Variants in LYST observed in about 807,000 individuals in gnomAD.
LYST encodes the protein lysosomal trafficking regulator, also known as lysosomal-trafficking regulator.
In LYST, 192 loss-of-function variants were observed where a neutral mutation model predicts 413.6. The ratio of observed to expected loss-of-function variants is 0.46; its 90% CI spans 0.41 to 0.52. The LOEUF is 0.52. Among genes scored for constraint, LYST ranks in the 20% least tolerant of loss-of-function variants. LYST has a pLI of 0.00. For missense variants in LYST, 3,815 were observed against 4,499.9 expected, an observed-to-expected ratio of 0.85 and a Z score of 4.35; for synonymous variants, 1,525 against 1,567.3, an observed-to-expected ratio of 0.97 and a Z score of 0.64.
At chr1:235,876,913 G>A (rs779820742) in intron 1 of LYST, among the ~76,000 whole-genome samples, 5 of 152,162 alleles carry the variant, frequency 3.3e-5, no homozygotes, top group Non-Finnish European at 7.3e-5. Context: ...TCAGAGGAGT[G>A]ACTGAAGAGC....
At chr1:235,779,167 G>A (rs866651471) in intron 16 of LYST, among the ~76,000 whole-genome samples, 9 of 152,088 alleles carry the variant, frequency 5.9e-5, no homozygotes, top group Non-Finnish European at 1.0e-4. Flanking sequence ...GTGCCTGGCC[G>A]AGGGTACCAC....
chr1:235,809,701 G>C lies in LYST; in HGVS notation c.1117C>G (p.Pro373Ala). Residue 373 changes from proline to alanine, a missense_variant, in exon 5 of 53, where the codon CCT becomes GCT. Physicochemically the swap from Pro to Ala is conservative, Grantham distance 27. This residue lies in a region of LYST where 1,648 missense variants were observed against 1,810.3 expected (regional missense o/e 0.91). Transcript: ENST00000389793. The surrounding 1 kb of genome is among the most constrained non-coding windows in gnomAD (Gnocchi z 4.0). ...IRICLEKQPDPFAPRQKKTLQ... is the reference protein window; with the variant it reads ...IRICLEKQPDAFAPRQKKTLQ... ...GTTTTCTTTTGTCTTGGTGCAAAAG[G>C]GTCAGGCTGCTTTTCTAGGCATATT... 6.2e-7 allele frequency: 1 copy of C among 1,613,572 alleles called. No homozygotes were observed. The highest frequency in any genetic ancestry group is 8.5e-7 in the Non-Finnish European group (1 of 1,179,780).
chr1:235,815,928 C>G (rs1484546438), intron 3 of LYST, among the ~76,000 whole-genome samples: 1 of 150,076 alleles, frequency 6.7e-6, no homozygotes, highest in African/African-American at 2.5e-5. Context: ...GTCAAGAGAT[C>G]GAGACCATCC....
At chr1:235,758,228 T>C (rs1448629362) in intron 23 of LYST, among the ~76,000 whole-genome samples, 1 of 152,178 alleles carries the variant, frequency 6.6e-6, no homozygotes, top group Non-Finnish European at 1.5e-5. Flanking sequence ...GGATATCTCA[T>C]CACCAAAGCA....
intron 23 of LYST, among the ~76,000 whole-genome samples, chr1:235,758,397 A>G (rs1667246021): frequency 6.6e-6 from 1 of 152,192 alleles, no homozygotes; most frequent in African/African-American, 2.4e-5. Flanking sequence ...GTCCTGGGAA[A>G]CACTGGTATT....
chr1:235,746,223 A>T, intron 29 of LYST, 113 bp downstream of exon 29: 1 of 858,896 alleles, frequency 1.2e-6, no homozygotes, highest in Non-Finnish European at 1.9e-6. Context: ...TATGGATGTT[A>T]AGAACTGAAA....
chr1:235,815,047 T>C (rs1420133112), intron 3 of LYST, among the ~76,000 whole-genome samples: 2 of 152,198 alleles, frequency 1.3e-5, no homozygotes, highest in Non-Finnish European at 2.9e-5. Flanking sequence ...AGTTCCTCTG[T>C]GGGGAGACTT....
chr1:235,724,876 A>G (rs902246087), intron 38 of LYST, among the ~76,000 whole-genome samples: 2 of 152,254 alleles, frequency 1.3e-5, no homozygotes, highest in African/African-American at 4.8e-5. Flanking sequence ...CCAGAAGTCA[A>G]AAATGTAGAG....
At chr1:235,882,260 A>G (rs796595079) in intron 1 of LYST, among the ~76,000 whole-genome samples, 5 of 152,296 alleles carry the variant, frequency 3.3e-5, no homozygotes, top group African/African-American at 1.2e-4. Flanking sequence ...ATAGGAAGTA[A>G]GGAGGCAATT....
At chr1:235,817,225 A>C (rs975874914) in intron 3 of LYST, among the ~76,000 whole-genome samples, 1 of 152,124 alleles carries the variant, frequency 6.6e-6, no homozygotes, top group African/African-American at 2.4e-5. Flanking sequence ...GAAAAAAAAA[A>C]CATGCTGGTG....
intron 2 of LYST, among the ~76,000 whole-genome samples, chr1:235,832,695 AGATT>A (rs1162408915): frequency 6.6e-6 from 1 of 152,154 alleles, no homozygotes; most frequent in African/African-American, 2.4e-5. Flanking sequence ...ATTTTTGAAT[AGATT>A]GTTTCTAGCT....
intron 3 of LYST, among the ~76,000 whole-genome samples, chr1:235,825,037 C>T (rs1357942483): frequency 6.6e-6 from 1 of 151,742 alleles, no homozygotes; most frequent in Non-Finnish European, 1.5e-5. Flanking sequence ...AAGAAAACAA[C>T]AACAACAACA....
chr1:235,704,311 A>T (rs1473678840), intron 44 of LYST, among the ~76,000 whole-genome samples: 1 of 152,150 alleles, frequency 6.6e-6, no homozygotes, highest in Non-Finnish European at 1.5e-5. Flanking sequence ...TTCTGTTTCT[A>T]GCTCTCTGAG....
intron 3 of LYST, among the ~76,000 whole-genome samples, chr1:235,823,596 G>T (rs151018553): frequency 2.6e-5 from 4 of 152,164 alleles, no homozygotes; most frequent in Non-Finnish European, 4.4e-5. Context: ...TGCCCTTCAG[G>T]TCTCCCCATT....
intron 30 of LYST, 72 bp from the exon 31 acceptor site, chr1:235,741,700 C>T: frequency 9.1e-7 from 1 of 1,098,816 alleles, no homozygotes; most frequent in Non-Finnish European, 1.4e-6. Flanking sequence ...CTCAACACAG[C>T]CCTAAAGAAG....
At position 235,805,894 on chromosome 1, in the gene LYST, G is replaced by C; in HGVS notation, c.3242C>G (p.Thr1081Ser). The change falls in exon 6 of 53, where the codon ACT becomes AGT. Residue 1081 changes from threonine (T) to serine (S), a missense_variant. Physicochemically the swap from Thr to Ser is moderately conservative, Grantham distance 58. This residue lies in a region of LYST where 1,648 missense variants were observed against 1,810.3 expected (regional missense o/e 0.91). Transcript: ENST00000389793. ...CTTTGCTTCCTCGGGAGCGGCTTCAGTAGCTGAAACTTCTTCCACATTTAT... is the reference window on the plus strand; with the variant it reads ...CTTTGCTTCCTCGGGAGCGGCTTCACTAGCTGAAACTTCTTCCACATTTAT... ...SSINVEEVSA[T>S]EAAPEEAKLF... 1.2e-6 allele frequency: 2 copies of C among 1,613,816 alleles called. No individual in the cohort carries two copies. The highest frequency in any genetic ancestry group is 1.7e-6 in the Non-Finnish European group (2 of 1,179,924).
At chr1:235,712,237 C>G in intron 42 of LYST, 40 bp from the exon 43 acceptor site, 1 of 1,443,816 alleles carries the variant, frequency 6.9e-7, no homozygotes, top group Non-Finnish European at 9.5e-7. Flanking sequence ...GACACAAAGA[C>G]CTAATTCTAT....
chr1:235,843,775 A>G (rs1458726282), intron 1 of LYST, among the ~76,000 whole-genome samples: 1 of 152,214 alleles, frequency 6.6e-6, no homozygotes, highest in African/African-American at 2.4e-5. Context: ...AACAACAAAA[A>G]AGGTTATAAT....
chr1:235,809,989 G>C lies in LYST; in HGVS notation c.829C>G (p.His277Asp), dbSNP rs576528902. 1.2e-6 allele frequency: 2 copies of C among 1,613,774 alleles called. No homozygotes were observed. The highest frequency in any genetic ancestry group is 1.3e-5 in the African/African-American group (1 of 75,018). ...ACACTGGCTGCTAAAGGAGAATTATGATTCAAGGTAACGTCAAACTTACAA... is the reference window on the plus strand; with the variant it reads ...ACACTGGCTGCTAAAGGAGAATTATCATTCAAGGTAACGTCAAACTTACAA... ...KVCKFDVTLN[H>D]NSPLAASVVP... Residue 277 changes from histidine to aspartate, a missense_variant, in exon 5 of 53, where the codon CAT (histidine) becomes GAT (aspartate). By Grantham distance (81) the His-to-Asp change is moderately conservative. Coordinates refer to ENST00000389793, the MANE Select transcript of LYST (RefSeq NM_000081.4). This position sits in a 1 kb window ranked among gnomAD's most constrained non-coding sequence, Gnocchi z 4.0.
Sources: gnomAD v4.1 joint callset for allele counts (sites outside exome capture counted in the v4.1 genomes callset) on GRCh38, gnomAD v4.1.1 for gene constraint, gnomAD v4.1.1 regional missense constraint, Gnocchi (gnomAD v3.1) non-coding constraint, MANE v1.5 for transcripts, NCBI Gene and HGNC (gene_info 2026-07-23, HGNC 2026-07-21) for gene names.